CDH13: variants seen among roughly 807,000 people sequenced by gnomAD.
The protein encoded by CDH13 is cadherin-13.
Under a neutral mutation model 63.8 loss-of-function variants are expected in CDH13, and 24 were observed. The observed-to-expected ratio is 0.38, with a 90% CI of 0.27 to 0.53. The LOEUF (loss-of-function observed/expected upper bound fraction) is 0.53. Ranked by LOEUF, CDH13 falls within the 20% of genes least tolerant of loss-of-function variation. CDH13 has a pLI of 0.85. For synonymous variants in CDH13, 503 were observed against 355.3 expected, an observed-to-expected ratio of 1.42 and a Z score of -4.67; for missense variants, 1,049 against 903.1, an observed-to-expected ratio of 1.16 and a Z score of -2.07.
At chr16:83,379,193 C>G (rs913433165) in intron 6 of CDH13, among the ~76,000 whole-genome samples, 2 of 152,168 alleles carry the variant, frequency 1.3e-5, no homozygotes, top group African/African-American at 4.8e-5. Flanking sequence ...AGCATGCATT[C>G]TGCATCTTCA....
chr16:83,424,716 T>C (rs1339588441), intron 6 of CDH13, among the ~76,000 whole-genome samples: 1 of 152,208 alleles, frequency 6.6e-6, no homozygotes, highest in African/African-American at 2.4e-5. Context: ...TGGAACATTA[T>C]TGTATAATTT....
chr16:83,413,181 AG>A (rs1425254483), intron 6 of CDH13, among the ~76,000 whole-genome samples: 7 of 152,220 alleles, frequency 4.6e-5, no homozygotes, highest in African/African-American at 1.7e-4. Flanking sequence ...ACGGTGATGC[AG>A]TGAAGATTGG....
At chr16:83,610,407 C>G (rs1376446993) in intron 8 of CDH13, among the ~76,000 whole-genome samples, 10 of 152,116 alleles carry the variant, frequency 6.6e-5, no homozygotes, top group Admixed American at 6.6e-4. Flanking sequence ...GTACACAAAT[C>G]CTGAGTGATT....
In CDH13 at chr16:82,830,089, C is replaced by A. The variant is rs191856025; in HGVS notation, c.46-28273C>A. Among the ~76,000 whole-genome samples the A allele has an allele frequency of 2.9e-4, 44 of 152,184 alleles. No homozygotes were observed. The East Asian group carries it at 7.7e-3, about 27-fold the overall frequency. ...TACAATAAAAATGTTATTGTTACTA[C>A]TTTTTTTTCCCCCAGATGAGGGAGC... On this transcript the variant is annotated intron_variant, in intron 1 of 13. Coordinates refer to ENST00000567109, the MANE Select transcript of CDH13 (RefSeq NM_001257.5).
At chr16:82,837,825 C>T (rs552788768) in intron 1 of CDH13, among the ~76,000 whole-genome samples, 7 of 152,198 alleles carry the variant, frequency 4.6e-5, no homozygotes, top group Non-Finnish European at 1.0e-4. Flanking sequence ...CCGAATAGTT[C>T]ATACAAACAT....
At chr16:83,329,205 C>G (rs1052250552) in intron 5 of CDH13, among the ~76,000 whole-genome samples, 1 of 152,160 alleles carries the variant, frequency 6.6e-6, no homozygotes, top group East Asian at 1.9e-4. Flanking sequence ...GAATCCCATG[C>G]AAATTAAAGG....
At chr16:83,593,031 A>G (rs1247506403) in intron 7 of CDH13, among the ~76,000 whole-genome samples, 1 of 152,168 alleles carries the variant, frequency 6.6e-6, no homozygotes, top group Middle Eastern at 3.2e-3. Context: ...AGAGTGGTTA[A>G]ATCAAACTCC....
At chr16:82,930,539 A>C (rs6420443) in intron 2 of CDH13, among the ~76,000 whole-genome samples, 100,841 of 151,984 alleles carry the variant, frequency 0.66, 34,597 homozygotes, top group African/African-American at 0.73. Context: ...TATCTATTTT[A>C]TTTTTTTAGA....
chr16:82,676,986 C>G (rs188871958), intron 1 of CDH13, among the ~76,000 whole-genome samples: 12 of 152,128 alleles, frequency 7.9e-5, no homozygotes, highest in Non-Finnish European at 1.5e-4. Context: ...CAGGTTCAAG[C>G]GATTCTCCTG....
chr16:83,120,348 C>A (rs2035509323), intron 3 of CDH13, among the ~76,000 whole-genome samples: 1 of 152,174 alleles, frequency 6.6e-6, no homozygotes, highest in African/African-American at 2.4e-5. Flanking sequence ...AGGGAGCTGA[C>A]CACTCTGGAC....
intron 3 of CDH13, among the ~76,000 whole-genome samples, chr16:83,074,732 C>G (rs1311948101): frequency 6.6e-6 from 1 of 152,214 alleles, no homozygotes; most frequent in Non-Finnish European, 1.5e-5. Context: ...TCGTCTCACA[C>G]AGTCCTCACT....
intron 6 of CDH13, among the ~76,000 whole-genome samples, chr16:83,377,226 T>C (rs982258256): frequency 6.6e-6 from 1 of 152,160 alleles, no homozygotes; most frequent in African/African-American, 2.4e-5. Flanking sequence ...AGAACTGAAT[T>C]AAACATAAAA....
At chr16:83,573,511 G>A (rs1904833770) in intron 7 of CDH13, among the ~76,000 whole-genome samples, 1 of 152,202 alleles carries the variant, frequency 6.6e-6, no homozygotes, top group South Asian at 2.1e-4. Context: ...ACCCATAGTA[G>A]ACATCACTAA....
chr16:83,439,992 G>A (rs2072435825), intron 6 of CDH13, among the ~76,000 whole-genome samples: 1 of 152,148 alleles, frequency 6.6e-6, no homozygotes, highest in African/African-American at 2.4e-5. Context: ...GAGAGAGTAG[G>A]GCTGATGTGG....
chr16:83,556,690 C>T (rs918502519), intron 7 of CDH13, among the ~76,000 whole-genome samples: 3 of 152,192 alleles, frequency 2.0e-5, no homozygotes, highest in Non-Finnish European at 4.4e-5. Flanking sequence ...GAAACTATTT[C>T]CACAACATCA....
intron 1 of CDH13, among the ~76,000 whole-genome samples, chr16:82,762,173 C>A (rs1258975249): frequency 6.6e-6 from 1 of 152,142 alleles, no homozygotes. Flanking sequence ...TCGGACTTCA[C>A]CCTGCTACTC....
rs12922062 is a variant in CDH13 at position 82,774,105 on chromosome 16, A to G, written c.46-84257A>G. Among the ~76,000 whole-genome samples, 487 of 151,668 alleles carry G rather than the reference A, an allele frequency of 3.2e-3. 4 individuals carry two copies. Among genetic ancestry groups the G allele is most frequent in the Non-Finnish European group, 4.6e-3 (312 of 67,840 alleles). ...GCCAGTATTGTTCTTCTTTATACCT[A>G]ATTACTCATCATTGGAATTCTCTTT... On this transcript the variant is annotated intron_variant, in intron 1 of 13. Coordinates refer to ENST00000567109, the MANE Select transcript of CDH13 (RefSeq NM_001257.5).
intron 3 of CDH13, among the ~76,000 whole-genome samples, chr16:83,086,333 A>G (rs1431037405): frequency 6.6e-6 from 1 of 152,230 alleles, no homozygotes; most frequent in Non-Finnish European, 1.5e-5. Flanking sequence ...CAGATCTACC[A>G]TTTATAAGCT....
intron 2 of CDH13, among the ~76,000 whole-genome samples, chr16:83,001,946 C>G (rs1469851249): frequency 6.6e-6 from 1 of 151,964 alleles, no homozygotes; most frequent in East Asian, 1.9e-4. Context: ...AAAGGGAAGA[C>G]AAAAAAGGAG....
Sources: allele counts gnomAD v4.1 joint callset (sites outside exome capture counted in the v4.1 genomes callset), GRCh38; gene constraint gnomAD v4.1.1; transcripts MANE v1.5; gene names NCBI Gene and HGNC (gene_info 2026-07-23, HGNC 2026-07-21).